Variants in UBE2E2 observed in about 807,000 individuals in gnomAD.
UBE2E2 encodes ubiquitin-conjugating enzyme E2 E2.
A neutral mutation model predicts 24.7 loss-of-function variants in UBE2E2; 6 were observed. That is an observed-to-expected ratio of 0.24 (90% CI 0.13 to 0.48). The LOEUF (loss-of-function observed/expected upper bound fraction) is 0.48. Among genes scored for constraint, UBE2E2 ranks in the 20% least tolerant of loss-of-function variants. The pLI, the probability that UBE2E2 is intolerant of heterozygous loss-of-function variation, is 0.99. For missense variants in UBE2E2, 169 were observed against 245.0 expected (o/e 0.69, Z 2.07); for synonymous variants, 104 against 83.6 (o/e 1.24, Z -1.33).
intron 3 of UBE2E2, among the ~76,000 whole-genome samples, chr3:23,366,319 C>G (rs1438915050): frequency 6.6e-6 from 1 of 152,076 alleles, no homozygotes; most frequent in East Asian, 1.9e-4. Flanking sequence ...GGGTATATAC[C>G]TGAAGGAATA....
chr3:23,291,023 C>G (rs1016482543), intron 3 of UBE2E2, among the ~76,000 whole-genome samples: 12 of 136,794 alleles, frequency 8.8e-5, no homozygotes, highest in Admixed American at 4.7e-4. Flanking sequence ...CAGCTATGAA[C>G]AATGCACTGC....
At chr3:23,415,436 A>G (rs965486159) in intron 3 of UBE2E2, among the ~76,000 whole-genome samples, 3 of 152,246 alleles carry the variant, frequency 2.0e-5, no homozygotes, top group African/African-American at 7.2e-5. Context: ...ATCCTTTGCT[A>G]CCATAGTATA....
intron 3 of UBE2E2, among the ~76,000 whole-genome samples, chr3:23,255,265 T>C: frequency 6.6e-6 from 1 of 151,346 alleles, no homozygotes; most frequent in Non-Finnish European, 1.5e-5. Context: ...TGTAGTTTTT[T>C]TTTTTTTTGG....
intron 3 of UBE2E2, among the ~76,000 whole-genome samples, chr3:23,245,676 C>A (rs1368041765): frequency 6.6e-6 from 1 of 152,046 alleles, no homozygotes; most frequent in Admixed American, 6.6e-5. Flanking sequence ...AAGTAATAAG[C>A]CAATTTTGTT....
intron 3 of UBE2E2, among the ~76,000 whole-genome samples, chr3:23,295,093 C>T (rs1166278152): frequency 1.3e-5 from 2 of 152,038 alleles, no homozygotes; most frequent in East Asian, 3.8e-4. Flanking sequence ...GTTGTTATTG[C>T]TATTTTCCAT....
At chr3:23,401,624 C>T (rs1017236680) in intron 3 of UBE2E2, among the ~76,000 whole-genome samples, 1 of 152,058 alleles carries the variant, frequency 6.6e-6, no homozygotes, top group South Asian at 2.1e-4. Flanking sequence ...TAATTAATAT[C>T]TTCTTCAATT....
At chr3:23,270,351 A>G (rs1698203415) in intron 3 of UBE2E2, among the ~76,000 whole-genome samples, 1 of 151,922 alleles carries the variant, frequency 6.6e-6, no homozygotes. Context: ...TATTTTGTGC[A>G]CAAAGGGCTT....
At chr3:23,462,243 G>T (rs1278238418) in intron 3 of UBE2E2, among the ~76,000 whole-genome samples, 1 of 151,672 alleles carries the variant, frequency 6.6e-6, no homozygotes, top group Non-Finnish European at 1.5e-5. Flanking sequence ...ATATGCCTTT[G>T]TTGCCCAGTG....
intron 3 of UBE2E2, among the ~76,000 whole-genome samples, chr3:23,446,064 A>G (rs549823685): frequency 6.6e-6 from 1 of 152,194 alleles, no homozygotes; most frequent in Non-Finnish European, 1.5e-5. Flanking sequence ...CATTGGTCAC[A>G]GATGCACCAT....
intron 4 of UBE2E2, among the ~76,000 whole-genome samples, chr3:23,508,651 C>T (rs1259554779): frequency 6.6e-6 from 1 of 152,106 alleles, no homozygotes; most frequent in Non-Finnish European, 1.5e-5. Flanking sequence ...TTATAAGAGC[C>T]CTGCCATAAA....
intron 3 of UBE2E2, among the ~76,000 whole-genome samples, chr3:23,403,478 A>T (rs1697279241): frequency 6.6e-6 from 1 of 152,224 alleles, no homozygotes; most frequent in Admixed American, 6.5e-5. Context: ...GCCACATAAC[A>T]GAACTCTGTC....
At chr3:23,385,968 C>A (rs1047753141) in intron 3 of UBE2E2, among the ~76,000 whole-genome samples, 1 of 152,118 alleles carries the variant, frequency 6.6e-6, no homozygotes, top group Non-Finnish European at 1.5e-5. Context: ...GAAAGTAAAA[C>A]AAACTAAATT....
intron 3 of UBE2E2, among the ~76,000 whole-genome samples, chr3:23,344,388 C>A (rs1186480579): frequency 6.6e-6 from 1 of 152,086 alleles, no homozygotes; most frequent in African/African-American, 2.4e-5. Flanking sequence ...GCCTTAGAGC[C>A]ACAAAAACCT....
intron 3 of UBE2E2, among the ~76,000 whole-genome samples, chr3:23,446,948 G>A (rs1698448054): frequency 6.6e-6 from 1 of 152,102 alleles, no homozygotes; most frequent in South Asian, 2.1e-4. Flanking sequence ...GCCTCAAAAA[G>A]TTTGGGATTT....
chr3:23,582,860 A>AGTGTGTGTGTGTGT (rs58053821), intron 5 of UBE2E2, among the ~76,000 whole-genome samples: 97 of 116,768 alleles, frequency 8.3e-4, no homozygotes, highest in African/African-American at 2.8e-3. Context: ...TATTCTGTTG[A>AGTGTGTGTGTGTGT]GTGTGTGTGT....
rs1696931169 is a variant in UBE2E2 at position 23,391,382 on chromosome 3, AC to A, written c.228-108225del. Among the ~76,000 whole-genome samples, 3 of 152,214 alleles carry A rather than the reference AC, an allele frequency of 2.0e-5. No individual in the cohort carries two copies. The South Asian group carries it at 6.2e-4, about 31-fold the overall frequency. Reference sequence around the variant, plus strand: ...CAAACCATAGTTCAGGAATGTGGCCACAGTATGCCTGTGTATTAGCACATTC... The same window carrying A: ...CAAACCATAGTTCAGGAATGTGGCCAAGTATGCCTGTGTATTAGCACATTC... On this transcript the variant is annotated intron_variant, in intron 3 of 5. Transcript: ENST00000396703.
At chr3:23,356,699 A>G (rs1023094167) in intron 3 of UBE2E2, among the ~76,000 whole-genome samples, 1 of 152,142 alleles carries the variant, frequency 6.6e-6, no homozygotes, top group African/African-American at 2.4e-5. Context: ...TTCTCATATC[A>G]ATTCCAAGTA....
chr3:23,238,795 T>C (rs1559451714), intron 3 of UBE2E2, among the ~76,000 whole-genome samples: 1 of 152,144 alleles, frequency 6.6e-6, no homozygotes, highest in South Asian at 2.1e-4. Context: ...GAATAAACTG[T>C]GTATTGTGTG....
At chr3:23,251,640 G>A (rs1697576846) in intron 3 of UBE2E2, among the ~76,000 whole-genome samples, 1 of 152,200 alleles carries the variant, frequency 6.6e-6, no homozygotes, top group Non-Finnish European at 1.5e-5. Context: ...TATTTGTAAA[G>A]TGATTCATTA....
Sources: allele counts gnomAD v4.1 joint callset (sites outside exome capture counted in the v4.1 genomes callset), GRCh38; gene constraint gnomAD v4.1.1; transcripts MANE v1.5; gene names NCBI Gene and HGNC (gene_info 2026-07-23, HGNC 2026-07-21).